NFIA: variants seen among roughly 807,000 people sequenced by gnomAD.
NFIA encodes the protein nuclear factor I A.
NFIA carries 8 observed loss-of-function variants against 62.8 expected under a neutral mutation model. The ratio of observed to expected loss-of-function variants is 0.13; its 90% CI spans 0.07 to 0.23. The LOEUF is 0.23. Ranked by LOEUF, NFIA falls within the 10% of genes least tolerant of loss-of-function variation. The pLI is 1.00. For missense variants in NFIA, 410 were observed against 642.1 expected, an observed-to-expected ratio of 0.64 and a Z score of 3.91; for synonymous variants, 235 against 238.1, an observed-to-expected ratio of 0.99 and a Z score of 0.12.
intron 2 of NFIA, among the ~76,000 whole-genome samples, chr1:61,175,330 C>T (rs1337817378): frequency 6.6e-6 from 1 of 151,946 alleles, no homozygotes; most frequent in South Asian, 2.1e-4. Context: ...TTTGTAGAGA[C>T]GGGCTTTCAC....
At chr1:61,153,014 C>T (rs924802183) in intron 2 of NFIA, among the ~76,000 whole-genome samples, 1 of 152,134 alleles carries the variant, frequency 6.6e-6, no homozygotes, top group Non-Finnish European at 1.5e-5. Context: ...TCTTCCTAGT[C>T]TTCATCTAGT....
chr1:61,355,282 CAAG>C (rs892989512), intron 5 of NFIA, among the ~76,000 whole-genome samples: 3 of 151,854 alleles, frequency 2.0e-5, no homozygotes, highest in East Asian at 1.9e-4. Context: ...TTAGAAAGAG[CAAG>C]AAACCAAAAT....
chr1:61,432,620 C>CAT, intron 10 of NFIA, among the ~76,000 whole-genome samples: 1 of 48,684 alleles, frequency 2.1e-5, no homozygotes, highest in East Asian at 1.1e-3. Context: ...TACACACACA[C>CAT]ACACGTACAC....
chr1:61,414,449 A>G (rs1284705147), intron 9 of NFIA, among the ~76,000 whole-genome samples: 3 of 152,158 alleles, frequency 2.0e-5, no homozygotes, highest in Admixed American at 1.3e-4. Context: ...TTTCCATCCA[A>G]TTCACCTTCA....
intron 2 of NFIA, among the ~76,000 whole-genome samples, chr1:61,140,197 CT>C (rs754618167): frequency 9.2e-4 from 140 of 152,244 alleles, no homozygotes; most frequent in South Asian, 1.7e-3. Context: ...TAGCTCCTTC[CT>C]TTACACTTTT....
intron 7 of NFIA, among the ~76,000 whole-genome samples, chr1:61,384,022 A>G (rs1304795491): frequency 6.6e-6 from 1 of 152,218 alleles, no homozygotes; most frequent in African/African-American, 2.4e-5. Context: ...CGCATTAAAG[A>G]CAAGCCTTAA....
chr1:61,101,245 A>G (rs1646503047), intron 2 of NFIA, among the ~76,000 whole-genome samples: 1 of 151,928 alleles, frequency 6.6e-6, no homozygotes, highest in Non-Finnish European at 1.5e-5. Flanking sequence ...AAAATACAAA[A>G]TTAGCCGGGT....
intron 3 of NFIA, among the ~76,000 whole-genome samples, chr1:61,326,469 C>G (rs915654010): frequency 3.3e-5 from 5 of 152,022 alleles, no homozygotes; most frequent in Non-Finnish European, 5.9e-5. Context: ...AATGATTTTA[C>G]CAAGAGGAAA....
chr1:61,298,347 CT>C (rs1201059621), intron 3 of NFIA, among the ~76,000 whole-genome samples: 1 of 151,932 alleles, frequency 6.6e-6, no homozygotes, highest in Middle Eastern at 3.2e-3. Flanking sequence ...AAGTATACCT[CT>C]TTTTTTAAAA....
At chr1:61,317,292 T>A (rs1248589245) in intron 3 of NFIA, among the ~76,000 whole-genome samples, 3 of 152,124 alleles carry the variant, frequency 2.0e-5, no homozygotes, top group Admixed American at 2.0e-4. Context: ...CTAACGTCCA[T>A]TTCTAGAGTA....
intron 2 of NFIA, among the ~76,000 whole-genome samples, chr1:61,225,153 CAAAA>C (rs575425464): frequency 1.4e-5 from 2 of 138,992 alleles, no homozygotes; most frequent in South Asian, 2.3e-4. Flanking sequence ...TTTTAAAAAA[CAAAA>C]AAAAAAGTCT....
At chr1:61,360,224 A>G (rs1411346704) in intron 6 of NFIA, among the ~76,000 whole-genome samples, 2 of 152,234 alleles carry the variant, frequency 1.3e-5, no homozygotes, top group Non-Finnish European at 2.9e-5. Context: ...GATAAGTCTG[A>G]TTGCAAAAAC....
At chr1:61,086,576 GA>G (rs1463780013) in intron 1 of NFIA, among the ~76,000 whole-genome samples, 14 of 152,160 alleles carry the variant, frequency 9.2e-5, no homozygotes, top group African/African-American at 3.4e-4. Context: ...AGCTAAACTT[GA>G]AACATAGAAC....
chr1:61,129,006 T>C (rs112172823), intron 2 of NFIA, among the ~76,000 whole-genome samples: 6 of 130,030 alleles, frequency 4.6e-5, no homozygotes, highest in African/African-American at 1.4e-4. Flanking sequence ...CACTGCAAGC[T>C]CCGCCTCCCA....
At chr1:61,151,425 G>A (rs796746856) in intron 2 of NFIA, among the ~76,000 whole-genome samples, 6 of 147,370 alleles carry the variant, frequency 4.1e-5, no homozygotes, top group African/African-American at 1.5e-4. Context: ...AAGGGAAGAC[G>A]ATCCAATGTG....
intron 2 of NFIA, among the ~76,000 whole-genome samples, chr1:61,189,114 C>T (rs1003189389): frequency 1.3e-5 from 2 of 152,078 alleles, no homozygotes; most frequent in Non-Finnish European, 2.9e-5. Flanking sequence ...AGTAGGGTAA[C>T]GGGTCAAGGA....
At chr1:61,285,978 G>C (rs1188252302) in intron 3 of NFIA, among the ~76,000 whole-genome samples, 1 of 152,158 alleles carries the variant, frequency 6.6e-6, no homozygotes, top group Admixed American at 6.5e-5. Context: ...ACAAGAAGAA[G>C]CCAAATCACA....
At chr1:61,348,937 T>C (rs1036456358) in intron 4 of NFIA, among the ~76,000 whole-genome samples, 1 of 152,206 alleles carries the variant, frequency 6.6e-6, no homozygotes, top group Non-Finnish European at 1.5e-5. Flanking sequence ...GCTATGACAC[T>C]GATCAGCCTT....
At chr1:61,376,415 C>T (rs945912512) in intron 6 of NFIA, among the ~76,000 whole-genome samples, 1 of 152,160 alleles carries the variant, frequency 6.6e-6, no homozygotes, top group Non-Finnish European at 1.5e-5. Context: ...CATTTATATA[C>T]TCTTTTGCAA....
Sources: allele counts gnomAD v4.1 joint callset (sites outside exome capture counted in the v4.1 genomes callset), GRCh38; gene constraint gnomAD v4.1.1; transcripts MANE v1.5; gene names NCBI Gene and HGNC (gene_info 2026-07-23, HGNC 2026-07-21).